ADAMTSL1: variants seen among roughly 807,000 people sequenced by gnomAD.
ADAMTSL1 encodes ADAMTS-like protein 1.
A neutral mutation model predicts 201.8 loss-of-function variants in ADAMTSL1; 126 were observed. The observed-to-expected ratio is 0.62, with a 90% CI of 0.54 to 0.72. The LOEUF is 0.72. Ranked by LOEUF, ADAMTSL1 falls within the 30% of genes least tolerant of loss-of-function variation. The pLI is 0.00. For missense variants in ADAMTSL1, 2,679 were observed against 2,277.8 expected (o/e 1.18, Z -3.59); for synonymous variants, 1,121 against 903.4 (o/e 1.24, Z -4.32).
chr9:18,204,237 G>A (rs895523399), intron 2 of ADAMTSL1, among the ~76,000 whole-genome samples: 3 of 152,126 alleles, frequency 2.0e-5, no homozygotes, highest in Non-Finnish European at 4.4e-5. Context: ...CCAGGTGGAG[G>A]TAATTGGATC....
intron 2 of ADAMTSL1, among the ~76,000 whole-genome samples, chr9:18,219,751 G>C (rs1312708001): frequency 6.6e-6 from 1 of 152,090 alleles, no homozygotes; most frequent in African/African-American, 2.4e-5. Context: ...TTAGGCCTAA[G>C]TTCTTTGTCA....
intron 2 of ADAMTSL1, among the ~76,000 whole-genome samples, chr9:18,371,400 C>A (rs1214241128): frequency 6.6e-6 from 1 of 152,160 alleles, no homozygotes; most frequent in Non-Finnish European, 1.5e-5. Context: ...ACATTGCAAG[C>A]TGCATATATT....
intron 2 of ADAMTSL1, among the ~76,000 whole-genome samples, chr9:18,441,900 G>C (rs1234381087): frequency 6.6e-6 from 1 of 152,178 alleles, no homozygotes; most frequent in African/African-American, 2.4e-5. Context: ...CAAGTGTGCA[G>C]ACATTTAAAA....
chr9:18,486,580 C>A (rs542542386), intron 1 of ADAMTSL1, among the ~76,000 whole-genome samples: 1 of 152,228 alleles, frequency 6.6e-6, no homozygotes, highest in African/African-American at 2.4e-5. Context: ...TAGTGCGTGC[C>A]TGTAGTCCTA....
chr9:18,748,551 T>G (rs1424594354), intron 15 of ADAMTSL1, among the ~76,000 whole-genome samples: 3 of 152,204 alleles, frequency 2.0e-5, no homozygotes, highest in Admixed American at 6.5e-5. Flanking sequence ...GAAAAGAGTT[T>G]ACACCACACT....
At chr9:18,204,650 A>T (rs891606050) in intron 2 of ADAMTSL1, among the ~76,000 whole-genome samples, 3 of 152,134 alleles carry the variant, frequency 2.0e-5, no homozygotes, top group Non-Finnish European at 4.4e-5. Context: ...CAAACAAAAA[A>T]GTTCCTTCAA....
chr9:18,766,186 G>A (rs1180318720), intron 16 of ADAMTSL1, among the ~76,000 whole-genome samples: 1 of 152,148 alleles, frequency 6.6e-6, no homozygotes, highest in African/African-American at 2.4e-5. Flanking sequence ...TTCATGATTG[G>A]CATTTAATAA....
At chr9:18,568,199 AT>A (rs956061749) in intron 3 of ADAMTSL1, among the ~76,000 whole-genome samples, 89 of 150,530 alleles carry the variant, frequency 5.9e-4, no homozygotes, top group African/African-American at 1.9e-3. Context: ...TGAAACACTG[AT>A]TTTTTTTTTC....
intron 23 of ADAMTSL1, among the ~76,000 whole-genome samples, chr9:18,837,680 G>A (rs1404113946): frequency 6.6e-6 from 1 of 152,216 alleles, no homozygotes. Flanking sequence ...TATAAGTACA[G>A]TTTTACTGTA....
At chr9:18,309,995 T>A (rs151219346) in intron 2 of ADAMTSL1, among the ~76,000 whole-genome samples, 10,434 of 151,762 alleles carry the variant, frequency 0.069, 1,160 homozygotes, top group African/African-American at 0.24. Flanking sequence ...AGATGTATAG[T>A]CCAATGGAAC....
chr9:18,276,397 C>T (rs780974430), intron 2 of ADAMTSL1, among the ~76,000 whole-genome samples: 8 of 152,012 alleles, frequency 5.3e-5, no homozygotes, highest in Non-Finnish European at 1.0e-4. Context: ...TACTATGTGT[C>T]CTATGAAAAC....
chr9:18,672,506 G>A (rs1014186010), intron 9 of ADAMTSL1, among the ~76,000 whole-genome samples: 22 of 152,198 alleles, frequency 1.4e-4, no homozygotes, highest in African/African-American at 4.1e-4. Context: ...ATATGTGTGT[G>A]CATATATATG....
chr9:18,164,521 A>G (rs932785455), intron 2 of ADAMTSL1, among the ~76,000 whole-genome samples: 1 of 151,754 alleles, frequency 6.6e-6, no homozygotes, highest in Admixed American at 6.6e-5. Context: ...TGGAGATGTC[A>G]AGATTACAGG....
chr9:18,837,790 A>G (rs1825410381), intron 23 of ADAMTSL1, among the ~76,000 whole-genome samples: 1 of 152,066 alleles, frequency 6.6e-6, no homozygotes, highest in African/African-American at 2.4e-5. Flanking sequence ...TGGCCCAAAA[A>G]CCTAAATTAT....
At chr9:18,534,255 G>A (rs1247874688) in intron 3 of ADAMTSL1, among the ~76,000 whole-genome samples, 1 of 152,048 alleles carries the variant, frequency 6.6e-6, no homozygotes, top group African/African-American at 2.4e-5. Context: ...AGTAATGAAG[G>A]CTTAAGCCTT....
intron 20 of ADAMTSL1, among the ~76,000 whole-genome samples, chr9:18,808,131 C>A (rs1197830368): frequency 6.6e-6 from 1 of 151,996 alleles, no homozygotes; most frequent in Non-Finnish European, 1.5e-5. Context: ...GAAGAGGAAC[C>A]AGTTAAAGAA....
At chr9:18,846,215 A>G (rs192776325) in intron 23 of ADAMTSL1, among the ~76,000 whole-genome samples, 28 of 152,336 alleles carry the variant, frequency 1.8e-4, no homozygotes, top group Non-Finnish European at 2.6e-4. Context: ...AGTCCTTTGC[A>G]GTGTGATTCC....
intron 24 of ADAMTSL1, among the ~76,000 whole-genome samples, 199 bp downstream of exon 24, chr9:18,888,242 C>T (rs1829026137): frequency 6.6e-6 from 1 of 152,222 alleles, no homozygotes; most frequent in South Asian, 2.1e-4. Flanking sequence ...TGCCCCATCC[C>T]AGCAGAACCT....
At chr9:18,523,144 G>C (rs938914389) in intron 2 of ADAMTSL1, among the ~76,000 whole-genome samples, 2 of 152,202 alleles carry the variant, frequency 1.3e-5, no homozygotes, top group Non-Finnish European at 2.9e-5. Flanking sequence ...TAACTGGTGT[G>C]AGATGGTATC....
Sources: gnomAD v4.1 joint callset for allele counts (sites outside exome capture counted in the v4.1 genomes callset) on GRCh38, gnomAD v4.1.1 for gene constraint, MANE v1.5 for transcripts, NCBI Gene and HGNC (gene_info 2026-07-23, HGNC 2026-07-21) for gene names.